Variants in GALNT13 observed in about 807,000 individuals in gnomAD.
GALNT13 encodes UDP-GalNAc:polypeptide N-acetylgalactosaminyltransferase 13.
Under a neutral mutation model 64.2 loss-of-function variants are expected in GALNT13, and 28 were observed. That is an observed-to-expected ratio of 0.44 (90% CI 0.32 to 0.60). GALNT13 has a LOEUF of 0.60. Ranked by LOEUF, GALNT13 falls within the 20% of genes least tolerant of loss-of-function variation. The pLI is 0.05. For synonymous variants in GALNT13, 214 were observed against 224.6 expected, an observed-to-expected ratio of 0.95 and a Z score of 0.42; for missense variants, 577 against 669.8, an observed-to-expected ratio of 0.86 and a Z score of 1.53.
chr2:154,224,371 C>T (rs994801035), intron 4 of GALNT13, among the ~76,000 whole-genome samples: 3 of 151,746 alleles, frequency 2.0e-5, no homozygotes, highest in East Asian at 3.9e-4. Context: ...ATAAAGCACA[C>T]GTCAAAATTT....
intron 9 of GALNT13, among the ~76,000 whole-genome samples, chr2:154,321,249 C>T (rs1694606427): frequency 6.6e-6 from 1 of 152,050 alleles, no homozygotes. Flanking sequence ...ACTAGATGAA[C>T]TAAGATTTGG....
chr2:154,237,967 T>C (rs888385768), intron 4 of GALNT13, among the ~76,000 whole-genome samples: 16 of 152,056 alleles, frequency 1.1e-4, no homozygotes, highest in Non-Finnish European at 2.1e-4. Context: ...CATTTGCCTG[T>C]TAATCAACAG....
chr2:154,263,034 A>G (rs1433653317), intron 8 of GALNT13, among the ~76,000 whole-genome samples: 1 of 152,156 alleles, frequency 6.6e-6, no homozygotes, highest in Non-Finnish European at 1.5e-5. Context: ...TCCCAAGAGT[A>G]CAGATCATTT....
intron 9 of GALNT13, among the ~76,000 whole-genome samples, chr2:154,380,684 C>T (rs752523530): frequency 6.6e-6 from 1 of 151,882 alleles, no homozygotes; most frequent in African/African-American, 2.4e-5. Context: ...TACTAAATTG[C>T]CACGAACTTG....
intron 3 of GALNT13, among the ~76,000 whole-genome samples, chr2:153,960,870 TATTC>T (rs1324205905): frequency 3.9e-5 from 6 of 152,218 alleles, no homozygotes; most frequent in African/African-American, 1.2e-4. Flanking sequence ...ACTGAAGTTT[TATTC>T]ATTAATTAAA....
At chr2:153,399,467 A>G in the GALNT13 span, among the ~76,000 whole-genome samples, 1 of 152,032 alleles carries the variant, frequency 6.6e-6, no homozygotes, top group Non-Finnish European at 1.5e-5. Context: ...GAAGAAAGGC[A>G]TTGGTAGCTT....
At chr2:153,849,704 A>T in the GALNT13 span, among the ~76,000 whole-genome samples, 2 of 152,124 alleles carry the variant, frequency 1.3e-5, no homozygotes, top group Non-Finnish European at 2.9e-5. Context: ...ACAGAAGAAG[A>T]AGTTCAGGGA....
At chr2:154,090,845 C>A (rs1253570307) in intron 3 of GALNT13, among the ~76,000 whole-genome samples, 3 of 151,670 alleles carry the variant, frequency 2.0e-5, no homozygotes, top group East Asian at 1.9e-4. Flanking sequence ...ATTTAAAAAA[C>A]CGAATCTACA....
chr2:153,841,075 CA>C, the GALNT13 span, among the ~76,000 whole-genome samples: 482 of 152,092 alleles, frequency 3.2e-3, 4 homozygotes, highest in African/African-American at 0.011. Context: ...TCAAAATTGG[CA>C]AGGTTTTATA....
chr2:154,454,521 G>A (rs144333606), downstream of GALNT13: 3 of 152,108 alleles, frequency 2.0e-5, no homozygotes, highest in East Asian at 5.8e-4. Context: ...AAATTAGCTG[G>A]ATGTGGTGGC....
At chr2:153,445,819 C>CATAT in the GALNT13 span, among the ~76,000 whole-genome samples, 1 of 152,116 alleles carries the variant, frequency 6.6e-6, no homozygotes, top group Non-Finnish European at 1.5e-5. Flanking sequence ...GAATAATGAG[C>CATAT]ATATACATTA....
chr2:153,446,152 A>G, the GALNT13 span, among the ~76,000 whole-genome samples: 1 of 152,170 alleles, frequency 6.6e-6, no homozygotes, highest in Non-Finnish European at 1.5e-5. Context: ...TGAGAGCAGA[A>G]GATTGTAGAT....
the GALNT13 span, among the ~76,000 whole-genome samples, chr2:153,146,195 CT>C: frequency 1.3e-5 from 2 of 150,872 alleles, no homozygotes; most frequent in Admixed American, 1.3e-4. Flanking sequence ...TCCAATGACC[CT>C]TCTTCCCATG....
chr2:153,908,808 T>C (rs1419898040), intron 2 of GALNT13, among the ~76,000 whole-genome samples: 1 of 152,100 alleles, frequency 6.6e-6, no homozygotes, highest in African/African-American at 2.4e-5. Flanking sequence ...GTAGTATAGT[T>C]TGAAGTTGGT....
chr2:153,941,697 A>G (rs1691352573), intron 2 of GALNT13, among the ~76,000 whole-genome samples: 1 of 152,204 alleles, frequency 6.6e-6, no homozygotes, highest in East Asian at 1.9e-4. Flanking sequence ...GAAATACAAT[A>G]TATAAGATTA....
chr2:153,074,292 T>C, the GALNT13 span, among the ~76,000 whole-genome samples: 1 of 152,228 alleles, frequency 6.6e-6, no homozygotes. Context: ...TAGTTCATTT[T>C]TTTGACCATT....
intron 9 of GALNT13, among the ~76,000 whole-genome samples, chr2:154,357,768 G>C (rs1696831733): frequency 6.6e-6 from 1 of 152,010 alleles, no homozygotes; most frequent in South Asian, 2.1e-4. Context: ...CATTCAGCTG[G>C]AGTGATGGCA....
At chr2:154,324,878 G>A (rs1694800910) in intron 9 of GALNT13, among the ~76,000 whole-genome samples, 1 of 152,086 alleles carries the variant, frequency 6.6e-6, no homozygotes, top group Non-Finnish European at 1.5e-5. Context: ...ACAGTGGTCT[G>A]GAGATGGTCC....
At chr2:153,116,794 C>CTTTTTTT in the GALNT13 span, among the ~76,000 whole-genome samples, 27 of 82,450 alleles carry the variant, frequency 3.3e-4, no homozygotes, top group South Asian at 5.7e-4. Flanking sequence ...GTGTTGTCTT[C>CTTTTTTT]TTTTTTTTTT....
Sources: allele counts gnomAD v4.1 joint callset (sites outside exome capture counted in the v4.1 genomes callset), GRCh38; gene constraint gnomAD v4.1.1; transcripts MANE v1.5; gene names NCBI Gene and HGNC (gene_info 2026-07-23, HGNC 2026-07-21).